The following PELI2 variants were observed in gnomAD, a reference collection of about 807,000 sequenced individuals.
PELI2 encodes E3 ubiquitin-protein ligase pellino homolog 2.
In PELI2, 23 loss-of-function variants were observed where a neutral mutation model predicts 42.3. The observed-to-expected ratio is 0.54, with a 90% confidence interval of 0.39 to 0.77. The LOEUF is 0.77. Among genes scored for constraint, PELI2 ranks in the 30% least tolerant of loss-of-function variants. The pLI is 0.00. For missense variants in PELI2, 463 were observed against 553.2 expected (o/e 0.84, Z 1.64); for synonymous variants, 245 against 212.2 (o/e 1.15, Z -1.34).
At chr14:56,201,746 TA>T (rs1886339661) in intron 2 of PELI2, among the ~76,000 whole-genome samples, 1 of 152,222 alleles carries the variant, frequency 6.6e-6, no homozygotes, top group South Asian at 2.1e-4. Flanking sequence ...GCTTAACCAA[TA>T]ATTCAGCAAG....
At chr14:56,162,785 G>A (rs1884812736) in intron 1 of PELI2, among the ~76,000 whole-genome samples, 1 of 152,024 alleles carries the variant, frequency 6.6e-6, no homozygotes, top group Non-Finnish European at 1.5e-5. Flanking sequence ...ATTGCCTGTC[G>A]TTTGGATAAA....
At chr14:56,167,077 C>T (rs967123783) in intron 1 of PELI2, among the ~76,000 whole-genome samples, 3 of 152,198 alleles carry the variant, frequency 2.0e-5, no homozygotes, top group Admixed American at 1.3e-4. Flanking sequence ...GCGTGAGCCA[C>T]CGCGCCTGGC....
chr14:56,189,985 G>C (rs1264846501), intron 2 of PELI2, among the ~76,000 whole-genome samples: 1 of 152,176 alleles, frequency 6.6e-6, no homozygotes, highest in Admixed American at 6.5e-5. Context: ...AAATGCATCT[G>C]ATCTAAATCA....
intron 1 of PELI2, among the ~76,000 whole-genome samples, chr14:56,174,702 T>A (rs1362547586): frequency 2.0e-5 from 3 of 152,260 alleles, no homozygotes; most frequent in African/African-American, 7.2e-5. Flanking sequence ...CCCTTTGGCT[T>A]CTGTCATGAT....
intron 2 of PELI2, among the ~76,000 whole-genome samples, chr14:56,270,962 A>G (rs191021186): frequency 6.6e-5 from 10 of 152,330 alleles, no homozygotes; most frequent in African/African-American, 2.4e-4. Context: ...GAATAAAACC[A>G]GGTAGTCATA....
intron 2 of PELI2, among the ~76,000 whole-genome samples, chr14:56,252,088 G>C (rs1339830189): frequency 6.6e-6 from 1 of 152,186 alleles, no homozygotes; most frequent in African/African-American, 2.4e-5. Context: ...TCAATAATTT[G>C]TTTGTTCAGC....
At chr14:56,174,687 G>A (rs1885305591) in intron 1 of PELI2, among the ~76,000 whole-genome samples, 1 of 152,178 alleles carries the variant, frequency 6.6e-6, no homozygotes, top group Non-Finnish European at 1.5e-5. Flanking sequence ...GAAGGTGATT[G>A]TTTCCCCTTT....
At chr14:56,147,334 T>C (rs1467717818) in intron 1 of PELI2, among the ~76,000 whole-genome samples, 1 of 152,220 alleles carries the variant, frequency 6.6e-6, no homozygotes, top group Non-Finnish European at 1.5e-5. Context: ...TTGCTAGGTC[T>C]TGTGATGAGA....
intron 2 of PELI2, among the ~76,000 whole-genome samples, chr14:56,189,295 C>G (rs1301583690): frequency 6.6e-6 from 1 of 152,184 alleles, no homozygotes; most frequent in Non-Finnish European, 1.5e-5. Flanking sequence ...CATGGGTTAA[C>G]TTGGGGGCTG....
At chr14:56,124,467 C>T (rs913262943) in intron 1 of PELI2, among the ~76,000 whole-genome samples, 5 of 152,352 alleles carry the variant, frequency 3.3e-5, no homozygotes, top group East Asian at 3.9e-4. Flanking sequence ...AGGAATACAG[C>T]TAGGACAAGG....
intron 2 of PELI2, 37 bp from the exon 3 acceptor site, chr14:56,279,639 G>A (rs2139873402): frequency 8.5e-7 from 1 of 1,178,592 alleles, no homozygotes; most frequent in Non-Finnish European, 1.3e-6. Context: ...TTGTTGAAAT[G>A]GAATTGTAAT....
intron 2 of PELI2, among the ~76,000 whole-genome samples, chr14:56,222,895 T>C (rs575184364): frequency 2.2e-4 from 33 of 151,920 alleles, no homozygotes; most frequent in Non-Finnish European, 3.5e-4. Flanking sequence ...TGGGGTAGAG[T>C]GGGCGAAGGT....
intron 2 of PELI2, among the ~76,000 whole-genome samples, chr14:56,252,778 A>G (rs936838378): frequency 2.0e-5 from 3 of 152,262 alleles, no homozygotes; most frequent in South Asian, 2.1e-4. Context: ...TACCAGAGGT[A>G]TAAAGAGGAG....
At chr14:56,233,874 T>C (rs966677264) in intron 2 of PELI2, among the ~76,000 whole-genome samples, 11 of 152,102 alleles carry the variant, frequency 7.2e-5, no homozygotes, top group Non-Finnish European at 1.3e-4. Context: ...AGGGCTAATA[T>C]CCAGAATCTA....
At chr14:56,204,997 C>G (rs1388521584) in intron 2 of PELI2, among the ~76,000 whole-genome samples, 2 of 145,316 alleles carry the variant, frequency 1.4e-5, no homozygotes, top group Non-Finnish European at 3.0e-5. Context: ...GCCACTGCAC[C>G]GCAGCCTGGG....
intron 2 of PELI2, among the ~76,000 whole-genome samples, chr14:56,231,997 T>C (rs770661789): frequency 1.4e-4 from 22 of 152,152 alleles, no homozygotes; most frequent in Non-Finnish European, 2.9e-4. Context: ...GCAAATAAAC[T>C]AGAAAATCTA....
intron 2 of PELI2, among the ~76,000 whole-genome samples, chr14:56,206,654 T>A (rs983847450): frequency 1.3e-5 from 2 of 152,238 alleles, no homozygotes; most frequent in African/African-American, 4.8e-5. Context: ...TCCTGGACTT[T>A]ATCACCAGCC....
chr14:56,129,352 C>CGAT lies in PELI2; in HGVS notation c.77+10617_77+10619dup, dbSNP rs34187121. On this transcript the variant is annotated intron_variant, in intron 1 of 5. Coordinates refer to ENST00000267460, the MANE Select transcript of PELI2 (RefSeq NM_021255.3). ...ACAATGGGCGTAGCCCCCTTCTGTG[C>CGAT]GATGGCAAGGGTGAGGTGAGATAAC... Among the ~76,000 whole-genome samples, 757 of 152,350 alleles carry CGAT rather than the reference C, an allele frequency of 5.0e-3. 9 individuals carry two copies. Among genetic ancestry groups the CGAT allele is most frequent in the African/African-American group, 0.017 (725 of 41,580 alleles).
At chr14:56,237,576 A>T (rs560470773) in intron 2 of PELI2, among the ~76,000 whole-genome samples, 1 of 151,304 alleles carries the variant, frequency 6.6e-6, no homozygotes, top group Non-Finnish European at 1.5e-5. Flanking sequence ...TCCTTCCTCC[A>T]CCACTAAGCT....
Sources: gnomAD v4.1 joint callset for allele counts (sites outside exome capture counted in the v4.1 genomes callset) on GRCh38, gnomAD v4.1.1 for gene constraint, MANE v1.5 for transcripts, NCBI Gene and HGNC (gene_info 2026-07-23, HGNC 2026-07-21) for gene names.